Variants in SNTG1 observed in about 807,000 individuals in gnomAD.
The protein encoded by SNTG1 is syntrophin gamma 1.
SNTG1 carries 39 observed loss-of-function variants against 74.7 expected under a neutral mutation model. The observed-to-expected ratio is 0.52, with a 90% confidence interval of 0.40 to 0.68. The LOEUF (loss-of-function observed/expected upper bound fraction) is 0.68. SNTG1 is among the 30% of genes least tolerant of loss of function. The pLI is 0.00. For synonymous variants in SNTG1, 254 were observed against 217.1 expected, an observed-to-expected ratio of 1.17 and a Z score of -1.49; for missense variants, 685 against 609.5, an observed-to-expected ratio of 1.12 and a Z score of -1.30.
chr8:50,206,031 G>C (rs2084216786), intron 2 of SNTG1, among the ~76,000 whole-genome samples: 1 of 152,166 alleles, frequency 6.6e-6, no homozygotes, highest in African/African-American at 2.4e-5. Context: ...TTTTGGCTTA[G>C]GGTTGACTTG....
At chr8:49,955,180 A>T (rs989376546) in intron 1 of SNTG1, among the ~76,000 whole-genome samples, 1 of 152,244 alleles carries the variant, frequency 6.6e-6, no homozygotes, top group Non-Finnish European at 1.5e-5. Context: ...GACTTTGTGT[A>T]ATCTATTTCA....
At chr8:50,644,480 T>C (rs1293951135) in intron 13 of SNTG1, 1 of 152,198 alleles carries the variant, frequency 6.6e-6, no homozygotes, top group Non-Finnish European at 1.5e-5. Flanking sequence ...CTCTTCATGA[T>C]TTTCTTAATC....
intron 1 of SNTG1, among the ~76,000 whole-genome samples, chr8:50,116,055 C>G (rs1224401236): frequency 1.3e-5 from 2 of 152,108 alleles, no homozygotes; most frequent in Non-Finnish European, 2.9e-5. Flanking sequence ...GCTCAAGGCA[C>G]TTTTTGAAGA....
chr8:50,485,346 G>T (rs192050944), intron 8 of SNTG1, among the ~76,000 whole-genome samples: 1 of 152,150 alleles, frequency 6.6e-6, no homozygotes, highest in South Asian at 2.1e-4. Flanking sequence ...ATGCAGACTA[G>T]ATTTGGGCCA....
intron 2 of SNTG1, among the ~76,000 whole-genome samples, chr8:50,345,772 A>C (rs975952038): frequency 6.6e-6 from 1 of 152,240 alleles, no homozygotes; most frequent in East Asian, 1.9e-4. Context: ...TCTTTTATCT[A>C]TAAAAGTCTA....
At chr8:49,944,730 A>G (rs558785856) in intron 1 of SNTG1, among the ~76,000 whole-genome samples, 4 of 151,926 alleles carry the variant, frequency 2.6e-5, no homozygotes, top group African/African-American at 7.2e-5. Context: ...GTATAATAAT[A>G]AAAAAAATCC....
intron 13 of SNTG1, among the ~76,000 whole-genome samples, chr8:50,595,370 G>A (rs554471416): frequency 2.6e-5 from 4 of 152,052 alleles, no homozygotes; most frequent in Middle Eastern, 6.8e-3. Context: ...TAAATCATTT[G>A]ATAACAAACA....
At chr8:50,237,703 A>T (rs1464887878) in intron 2 of SNTG1, among the ~76,000 whole-genome samples, 1 of 152,108 alleles carries the variant, frequency 6.6e-6, no homozygotes, top group Admixed American at 6.5e-5. Flanking sequence ...CACTGTTAAG[A>T]TTCTCACTGA....
chr8:50,543,034 A>T (rs1251899319), intron 11 of SNTG1, among the ~76,000 whole-genome samples: 1 of 151,906 alleles, frequency 6.6e-6, no homozygotes, highest in Non-Finnish European at 1.5e-5. Context: ...CATTCTGTAG[A>T]TTGTCTCTCA....
intron 13 of SNTG1, among the ~76,000 whole-genome samples, chr8:50,606,078 A>G (rs2094810208): frequency 6.6e-6 from 1 of 152,020 alleles, no homozygotes; most frequent in Non-Finnish European, 1.5e-5. Context: ...ATTAGCCTGT[A>G]GTTTTCTTTT....
Position 50,536,803 on chromosome 8 carries a change from G to A in SNTG1, c.675G>A (p.Leu225=), listed in dbSNP as rs777471774. Reference sequence around the variant, plus strand: ...CTCAGTATGTGCCCGGCACAGATTTGAGTCGGTGAGTCCGTGTTTAGGAGT... The same window carrying A: ...CTCAGTATGTGCCCGGCACAGATTTAAGTCGGTGAGTCCGTGTTTAGGAGT... ...RFSQYVPGTD[L]SRQNAFQVIA... The change falls in exon 11 of 19, where the codon TTG becomes TTA. Residue 225 remains leucine (L), a synonymous_variant. Transcript: ENST00000642720. 1.7e-5 allele frequency: 28 copies of A among 1,613,744 alleles called. No individual in the cohort carries two copies. The highest frequency in any genetic ancestry group is 2.4e-5 in the Non-Finnish European group (28 of 1,179,786).
intron 1 of SNTG1, among the ~76,000 whole-genome samples, chr8:50,038,801 A>C (rs1393501914): frequency 6.6e-6 from 1 of 152,100 alleles, no homozygotes; most frequent in African/African-American, 2.4e-5. Context: ...GCTCTCTTAT[A>C]ATAGTGAATG....
At chr8:49,965,550 C>G (rs1441132112) in intron 1 of SNTG1, among the ~76,000 whole-genome samples, 1 of 152,066 alleles carries the variant, frequency 6.6e-6, no homozygotes, top group African/African-American at 2.4e-5. Context: ...CTCTGGACAC[C>G]AGGACAATAG....
intron 11 of SNTG1, among the ~76,000 whole-genome samples, chr8:50,549,707 A>G (rs1184639858): frequency 6.6e-6 from 1 of 152,116 alleles, no homozygotes; most frequent in African/African-American, 2.4e-5. Context: ...AATGTGCCAG[A>G]CAACCCACAT....
chr8:50,656,911 T>A lies in SNTG1; in HGVS notation c.852T>A (p.Ile284=). Residue 284 remains isoleucine (I), a splice_region_variant and synonymous_variant, in exon 14 of 19, where the codon ATT becomes ATA. Transcript: ENST00000642720. ...INRNFPVNQQ[I]VYMGWCEARE... ...GATTGTATTCCATTTTCTTGCAGATTGTCTACATGGGCTGGTGTGAAGCCC... is the reference window on the plus strand; with the variant it reads ...GATTGTATTCCATTTTCTTGCAGATAGTCTACATGGGCTGGTGTGAAGCCC... The A allele has an allele frequency of 6.2e-7, 1 of 1,601,688 alleles. No homozygotes were observed. The highest frequency in any genetic ancestry group is 8.5e-7 in the Non-Finnish European group (1 of 1,172,876).
intron 17 of SNTG1, among the ~76,000 whole-genome samples, chr8:50,735,522 A>G (rs572090726): frequency 8.6e-5 from 13 of 151,942 alleles, no homozygotes; most frequent in African/African-American, 2.9e-4. Context: ...AAAGGGTATC[A>G]GAGATTGAAG....
At chr8:50,483,796 C>T (rs2093760358) in intron 8 of SNTG1, among the ~76,000 whole-genome samples, 1 of 152,080 alleles carries the variant, frequency 6.6e-6, no homozygotes. Context: ...TAGGGGTTAG[C>T]TTTGTTTTTC....
intron 2 of SNTG1, among the ~76,000 whole-genome samples, chr8:50,209,534 G>GA (rs933139600): frequency 6.6e-6 from 1 of 152,142 alleles, no homozygotes; most frequent in Admixed American, 6.5e-5. Flanking sequence ...TCCAGGGGAA[G>GA]AATCAGGCAG....
intron 8 of SNTG1, among the ~76,000 whole-genome samples, chr8:50,487,474 G>T (rs1368270262): frequency 6.6e-6 from 1 of 152,148 alleles, no homozygotes; most frequent in African/African-American, 2.4e-5. Flanking sequence ...TTAAGAAAAT[G>T]TGGCACATTT....
Sources: gnomAD v4.1 joint callset for allele counts (sites outside exome capture counted in the v4.1 genomes callset) on GRCh38, gnomAD v4.1.1 for gene constraint, MANE v1.5 for transcripts, NCBI Gene and HGNC (gene_info 2026-07-23, HGNC 2026-07-21) for gene names.